The following HDAC4 variants were observed in gnomAD, a reference collection of about 807,000 sequenced individuals.
HDAC4 encodes histone deacetylase A.
In HDAC4, 16 loss-of-function variants were observed where a neutral mutation model predicts 135.1. The ratio of observed to expected loss-of-function variants is 0.12; its 90% CI spans 0.08 to 0.18. The LOEUF (loss-of-function observed/expected upper bound fraction) is 0.18. HDAC4 is among the 10% of genes least tolerant of loss of function. The probability of loss-of-function intolerance (pLI) is 1.00; values close to 1 mark genes in which losing one functional copy is unlikely to be tolerated. For missense variants in HDAC4, 1,143 were observed against 1,511.8 expected (o/e 0.76, Z 4.05); for synonymous variants, 685 against 653.4 (o/e 1.05, Z -0.74).
chr2:239,193,278 G>A (rs1200809874), intron 3 of HDAC4, among the ~76,000 whole-genome samples: 1 of 152,254 alleles, frequency 6.6e-6, no homozygotes, highest in Non-Finnish European at 1.5e-5. Context: ...ATGGAGGGAG[G>A]GGGCAGCATT....
intron 2 of HDAC4, among the ~76,000 whole-genome samples, chr2:239,312,892 C>T (rs951187327): frequency 1.3e-5 from 2 of 152,172 alleles, no homozygotes; most frequent in African/African-American, 2.4e-5. Context: ...AGAGGGAGAC[C>T]GGGAGCCTCT....
chr2:239,249,933 C>T (rs1054310049), intron 2 of HDAC4, among the ~76,000 whole-genome samples: 2 of 152,208 alleles, frequency 1.3e-5, no homozygotes, highest in Non-Finnish European at 2.9e-5. Flanking sequence ...TCTCTCACCC[C>T]GCGACAGCTG....
intron 12 of HDAC4, among the ~76,000 whole-genome samples, chr2:239,116,129 C>T (rs151181360): frequency 1.3e-5 from 2 of 152,336 alleles, no homozygotes; most frequent in African/African-American, 4.8e-5. Flanking sequence ...TGCTCCCCGC[C>T]TGCTCCTCCG....
At chr2:239,192,926 T>C (rs2045097905) in intron 3 of HDAC4, among the ~76,000 whole-genome samples, 1 of 152,190 alleles carries the variant, frequency 6.6e-6, no homozygotes, top group Non-Finnish European at 1.5e-5. Flanking sequence ...CAAAATAGCA[T>C]CAACAACGAC....
chr2:239,071,334 G>C (rs561451833), intron 22 of HDAC4, among the ~76,000 whole-genome samples: 86 of 152,272 alleles, frequency 5.6e-4, no homozygotes, highest in African/African-American at 1.9e-3. Flanking sequence ...AGAATCGCTT[G>C]AACCCAGGAG....
At position 239,236,656 on chromosome 2, in the gene HDAC4, A is replaced by C. The variant is rs374216743; in HGVS notation, c.31T>G (p.Ser11Ala). The change falls in exon 3 of 27, where the codon TCT (serine) becomes GCT (alanine). Residue 11 changes from serine to alanine, a missense_variant. Physicochemically the swap from Ser to Ala is moderately conservative, Grantham distance 99 (BLOSUM62 1). This residue lies in a region of HDAC4 where 247 missense variants were observed against 310.0 expected (regional missense o/e 0.80). Coordinates refer to ENST00000543185, the MANE Select transcript of HDAC4 (RefSeq NM_001378414.1). MSSQSHPDGLSGRDQPVELLN... is the reference protein window; with the variant it reads MSSQSHPDGLAGRDQPVELLN... Reference sequence around the variant, plus strand: ...AGCTCCACTGGCTGGTCTCGGCCAGAAAGTCCATCTGGAGAACAGAGAAGG... The same window carrying C: ...AGCTCCACTGGCTGGTCTCGGCCAGCAAGTCCATCTGGAGAACAGAGAAGG... The C allele has an allele frequency of 1.3e-6, 2 of 1,551,534 alleles. No individual in the cohort carries two copies. Among genetic ancestry groups the C allele is most frequent in the South Asian group, 2.4e-5 (2 of 84,070 alleles).
At chr2:239,114,615 C>T (rs553827241) in intron 13 of HDAC4, among the ~76,000 whole-genome samples, 1 of 152,334 alleles carries the variant, frequency 6.6e-6, no homozygotes, top group Admixed American at 6.5e-5. Flanking sequence ...TCTGGATCTG[C>T]AGGGCTGCTC....
chr2:239,239,472 G>A (rs563936520), intron 2 of HDAC4, among the ~76,000 whole-genome samples: 1 of 152,194 alleles, frequency 6.6e-6, no homozygotes, highest in Admixed American at 6.5e-5. Flanking sequence ...GCCCCATCCC[G>A]AGGCTATCCA....
intron 1 of HDAC4, among the ~76,000 whole-genome samples, chr2:239,369,138 G>C (rs1694425688): frequency 6.6e-6 from 1 of 152,162 alleles, no homozygotes. Flanking sequence ...GGCCCTCTCT[G>C]GTGACAGTCT....
intron 2 of HDAC4, among the ~76,000 whole-genome samples, chr2:239,278,607 G>C (rs1170537426): frequency 6.6e-6 from 1 of 152,156 alleles, no homozygotes; most frequent in Non-Finnish European, 1.5e-5. Context: ...AGGAGACAGA[G>C]GCTGCAGTGA....
chr2:239,062,099 G>A (rs2032831673), intron 24 of HDAC4, among the ~76,000 whole-genome samples: 1 of 152,280 alleles, frequency 6.6e-6, no homozygotes, highest in Non-Finnish European at 1.5e-5. Context: ...ACTGCAACAT[G>A]CAACACTCGT....
chr2:239,096,352 CA>C (rs111795786), intron 16 of HDAC4, among the ~76,000 whole-genome samples: 20,462 of 128,152 alleles, frequency 0.16, 2,133 homozygotes, highest in Non-Finnish European at 0.19. Context: ...GCCCACACCC[CA>C]CCGACAGATG....
chr2:239,274,136 A>G (rs1466597788), intron 2 of HDAC4, among the ~76,000 whole-genome samples: 1 of 152,204 alleles, frequency 6.6e-6, no homozygotes, highest in Admixed American at 6.5e-5. Context: ...TAAATGTTTG[A>G]AATTTTCCGT....
Position 239,112,431 on chromosome 2 carries a change from G to A in HDAC4, c.1792-719C>T, listed in dbSNP as rs545311359. Among the ~76,000 whole-genome samples, 37 of 152,296 alleles carry A rather than the reference G, an allele frequency of 2.4e-4. 1 individual carries two copies. The South Asian group carries it at 7.5e-3, about 31-fold the overall frequency. The stretch of plus-strand genomic sequence containing the variant: ...CTGGTCTCACATCCCACACACCCTC[G>A]TGCAGGCTAAAAGCAGTAACAGCCC... On this transcript the variant is annotated intron_variant, in intron 13 of 26. Coordinates refer to ENST00000543185, the MANE Select transcript of HDAC4 (RefSeq NM_001378414.1).
At chr2:239,161,137 G>A (rs949385326) in intron 6 of HDAC4, among the ~76,000 whole-genome samples, 6 of 152,092 alleles carry the variant, frequency 3.9e-5, no homozygotes, top group Admixed American at 1.3e-4. Flanking sequence ...TTAAGTGGGC[G>A]GCTTGTCTTT....
chr2:239,391,937 T>C (rs1389067655), intron 1 of HDAC4, among the ~76,000 whole-genome samples: 1 of 152,132 alleles, frequency 6.6e-6, no homozygotes, highest in Admixed American at 6.5e-5. Flanking sequence ...GCTGGCACGC[T>C]GACATGGAAA....
At position 239,066,869 on chromosome 2, in the gene HDAC4, C is replaced by G. The variant is rs113599047; in HGVS notation, c.2870-14G>C. The G allele has an allele frequency of 6.2e-7, 1 of 1,611,190 alleles. No individual in the cohort carries two copies. The highest frequency in any genetic ancestry group is 2.2e-5 in the East Asian group (1 of 44,826). On this transcript the variant is annotated splice_polypyrimidine_tract_variant and intron_variant, in intron 23 of 26. Transcript: ENST00000543185. ...GGTACCCGAAGCCTGCAACGGGAAA[C>G]GGGAGACTGCAGTGTGAACGGGGGA...
rs1037562407 is a variant in HDAC4, at chr2:239,303,679, T to G, written c.22+48999A>C. Among the ~76,000 whole-genome samples, 1 of 152,176 alleles carries G rather than the reference T, an allele frequency of 6.6e-6. No individual in the cohort carries two copies. The highest frequency in any genetic ancestry group is 2.4e-5 in the African/African-American group (1 of 41,436). ...AAAAAATTCAAGTCAGCCCTGATGC[T>G]GTCCATGTTTTTTGTAAAACTTGCT... is the stretch of plus-strand genomic sequence containing the variant. On this transcript the variant is annotated intron_variant, in intron 2 of 26. Coordinates refer to ENST00000543185, the MANE Select transcript of HDAC4 (RefSeq NM_001378414.1). This position sits in a 1 kb window ranked among gnomAD's most constrained non-coding sequence, Gnocchi z 5.1.
rs1187040745 is a variant in HDAC4 at position 239,146,801 on chromosome 2, C to A, written c.734-2087G>T. ...CCCCACAGCCCCACTGCCCCCATCA[C>A]AGCCCCACTGCCCTGTCTTCCTCAC... is the stretch of plus-strand genomic sequence containing the variant. On this transcript the variant is annotated intron_variant, in intron 7 of 26. Transcript: ENST00000543185. This position sits in a 1 kb window ranked among gnomAD's most constrained non-coding sequence, Gnocchi z 4.5. Among the ~76,000 whole-genome samples the A allele has an allele frequency of 6.6e-6, 1 of 151,798 alleles. No homozygotes were observed. Among genetic ancestry groups the A allele is most frequent in the Non-Finnish European group, 1.5e-5 (1 of 67,934 alleles).
Sources: gnomAD v4.1 joint callset for allele counts (sites outside exome capture counted in the v4.1 genomes callset) on GRCh38, gnomAD v4.1.1 for gene constraint, gnomAD v4.1.1 regional missense constraint, Gnocchi (gnomAD v3.1) non-coding constraint, MANE v1.5 for transcripts, NCBI Gene and HGNC (gene_info 2026-07-23, HGNC 2026-07-21) for gene names.